The following CAST variants were observed in gnomAD, a reference collection of about 807,000 sequenced individuals.
CAST encodes calpastatin, also known as MIR583 host.
In CAST, 76 loss-of-function variants were observed where a neutral mutation model predicts 119.6. The observed-to-expected ratio is 0.64, with a 90% CI of 0.53 to 0.77. CAST has a LOEUF of 0.77. CAST is among the 30% of genes least tolerant of loss of function. CAST has a pLI of 0.00. For missense variants in CAST, 953 were observed against 946.5 expected, an observed-to-expected ratio of 1.01 and a Z score of -0.09; for synonymous variants, 319 against 331.6, an observed-to-expected ratio of 0.96 and a Z score of 0.41.
At chr5:96,068,281 C>T in the CAST span, among the ~76,000 whole-genome samples, 3 of 152,016 alleles carry the variant, frequency 2.0e-5, no homozygotes, top group Admixed American at 6.6e-5. Context: ...GAACCTCTGG[C>T]CTTATATATT....
chr5:96,346,036 A>G, the CAST span, among the ~76,000 whole-genome samples: 2 of 152,236 alleles, frequency 1.3e-5, no homozygotes, highest in African/African-American at 4.8e-5. Flanking sequence ...GGTTGCCACC[A>G]TAAAGGCTGT....
the CAST span, among the ~76,000 whole-genome samples, chr5:96,373,828 C>T: frequency 6.6e-6 from 1 of 152,020 alleles, no homozygotes; most frequent in Non-Finnish European, 1.5e-5. Flanking sequence ...TCACTGCAGC[C>T]TCGAGCTCCT....
At chr5:96,754,959 G>A (rs1457277467) in intron 22 of CAST, 5 of 352,120 alleles carry the variant, frequency 1.4e-5, no homozygotes, top group Middle Eastern at 8.0e-4. Flanking sequence ...GAAATCTAAT[G>A]TCTAAGCTAC....
At chr5:96,388,777 G>A in the CAST span, among the ~76,000 whole-genome samples, 2 of 152,150 alleles carry the variant, frequency 1.3e-5, no homozygotes, top group Middle Eastern at 6.8e-3. Context: ...GCATGTACAT[G>A]GTTAATCCAA....
intron 27 of CAST, 64 bp from the exon 28 acceptor site, chr5:96,767,374 G>T (rs1457862700): frequency 7.4e-7 from 1 of 1,346,204 alleles, no homozygotes; most frequent in African/African-American, 1.4e-5. Context: ...ATTCTCTACT[G>T]CCTAAACCTA....
chr5:96,144,809 T>C, the CAST span, among the ~76,000 whole-genome samples: 1 of 152,120 alleles, frequency 6.6e-6, no homozygotes. Flanking sequence ...CCTGAGTAGC[T>C]GGGACTACAG....
chr5:96,647,548 C>G (rs1351833981), intron 1 of CAST, among the ~76,000 whole-genome samples: 1 of 152,096 alleles, frequency 6.6e-6, no homozygotes. Context: ...GAAGTCCTAA[C>G]CCCATACGAC....
the CAST span, among the ~76,000 whole-genome samples, chr5:96,138,106 G>T: frequency 6.6e-6 from 1 of 151,856 alleles, no homozygotes; most frequent in Non-Finnish European, 1.5e-5. Context: ...TTTTAGAAGT[G>T]TTATAATTTT....
chr5:96,271,425 A>G, the CAST span, among the ~76,000 whole-genome samples: 5 of 152,202 alleles, frequency 3.3e-5, no homozygotes, highest in Non-Finnish European at 2.9e-5. Flanking sequence ...GGAACAGAAT[A>G]GAGAACACAG....
At chr5:96,511,363 C>G in the CAST span, among the ~76,000 whole-genome samples, 142 of 152,172 alleles carry the variant, frequency 9.3e-4, 1 homozygote, top group Non-Finnish European at 1.1e-3. Context: ...AGGATGGTCT[C>G]GATCTCTTGA....
intron 1 of CAST, among the ~76,000 whole-genome samples, chr5:96,541,774 C>T (rs1026126048): frequency 6.6e-6 from 1 of 152,156 alleles, no homozygotes; most frequent in Non-Finnish European, 1.5e-5. Context: ...TAAGCTTTCT[C>T]GGCATTGTTT....
At chr5:96,023,907 C>T in the CAST span, among the ~76,000 whole-genome samples, 1 of 152,022 alleles carries the variant, frequency 6.6e-6, no homozygotes, top group Non-Finnish European at 1.5e-5. Context: ...CTTTCCTTGT[C>T]TTTTCTTAAT....
At chr5:96,750,472 A>G in intron 19 of CAST, 115 bp from the exon 20 acceptor site, 1 of 570,068 alleles carries the variant, frequency 1.8e-6, no homozygotes, top group Non-Finnish European at 3.2e-6. Context: ...TAGGTATTCA[A>G]GAGAATCATG....
At chr5:96,186,943 C>T in the CAST span, among the ~76,000 whole-genome samples, 1 of 152,154 alleles carries the variant, frequency 6.6e-6, no homozygotes, top group African/African-American at 2.4e-5. Context: ...CTTATTTGTA[C>T]ATCCGGTAGA....
the CAST span, among the ~76,000 whole-genome samples, chr5:96,138,716 T>C: frequency 6.6e-6 from 1 of 151,894 alleles, no homozygotes; most frequent in African/African-American, 2.4e-5. Flanking sequence ...ATTTTTTGGG[T>C]GCTATTTTAA....
At chr5:95,972,499 A>G in the CAST span, among the ~76,000 whole-genome samples, 1 of 151,870 alleles carries the variant, frequency 6.6e-6, no homozygotes, top group African/African-American at 2.4e-5. Flanking sequence ...CCATATATCC[A>G]TGTGTTTGTT....
chr5:95,973,799 G>A, the CAST span, among the ~76,000 whole-genome samples: 7 of 152,046 alleles, frequency 4.6e-5, no homozygotes, highest in Non-Finnish European at 1.0e-4. Flanking sequence ...ATCCTAATCA[G>A]TTTCCTTTTC....
At chr5:96,561,054 G>A (rs2150184605) in intron 1 of CAST, among the ~76,000 whole-genome samples, 1 of 152,268 alleles carries the variant, frequency 6.6e-6, no homozygotes, top group Admixed American at 6.5e-5. Flanking sequence ...CCTTTGTAGG[G>A]ACATGGATGA....
intron 1 of CAST, among the ~76,000 whole-genome samples, chr5:96,612,400 T>C (rs1273258954): frequency 6.6e-6 from 1 of 152,034 alleles, no homozygotes; most frequent in East Asian, 1.9e-4. Flanking sequence ...GGGCATAAGA[T>C]GGGAACAATA....
Sources: allele counts gnomAD v4.1 joint callset (sites outside exome capture counted in the v4.1 genomes callset), GRCh38; gene constraint gnomAD v4.1.1; transcripts MANE v1.5; gene names NCBI Gene and HGNC (gene_info 2026-07-23, HGNC 2026-07-21).